The following LATS2 variants were observed in gnomAD, a reference collection of about 807,000 sequenced individuals.
LATS2 encodes serine/threonine-protein kinase LATS2.
In LATS2, 24 loss-of-function variants were observed where a neutral mutation model predicts 76.0. The observed-to-expected ratio is 0.32, with a 90% CI of 0.23 to 0.44. The LOEUF is 0.44. Among genes scored for constraint, LATS2 ranks in the 20% least tolerant of loss-of-function variants. The pLI is 1.00. For synonymous variants in LATS2, 692 were observed against 635.4 expected (o/e 1.09, Z -1.34); for missense variants, 1,286 against 1,481.2 (o/e 0.87, Z 2.16).
In LATS2 at chr13:20,991,312, C is replaced by T. The variant is rs1870497542; in HGVS notation, c.435G>A (p.Arg145=). The change falls in exon 3 of 8, where the codon AGG becomes AGA. Residue 145 remains arginine, a synonymous_variant. Transcript: ENST00000382592. The surrounding 1 kb of genome is among the most constrained non-coding windows in gnomAD (Gnocchi z 4.9). The stretch of plus-strand genomic sequence containing the variant: ...TAATGACCCGCACAATCTGCTCATT[C>T]CTCGGGTCCAGGTAGCCCATCTTGC... ...YISKMGYLDP[R]NEQIVRVIKQ... is the part of the protein sequence containing the mutation. The T allele has an allele frequency of 6.2e-7, 1 of 1,614,108 alleles. No individual in the cohort carries two copies. The highest frequency in any genetic ancestry group is 1.3e-5 in the African/African-American group (1 of 74,950).
intron 2 of LATS2, among the ~76,000 whole-genome samples, chr13:21,025,676 C>T (rs1035774529): frequency 6.6e-6 from 1 of 152,188 alleles, no homozygotes; most frequent in Non-Finnish European, 1.5e-5. Context: ...TCAGATCTTG[C>T]CTGACACTGC....
rs1286808880 is a variant in LATS2, at chr13:20,981,485, G to A, written c.2646C>T (p.Pro882=). ...SLVGTPNYIA[P]EVLLRKGYTQ... is the part of the protein sequence containing the mutation. ...ATGTACCTTTGCGGAGGAGCACCTC[G>A]GGTGCGATGTAGTTTGGAGTCCCCA... Residue 882 remains proline (P), a synonymous_variant, in exon 6 of 8, where the codon CCC becomes CCT. Coordinates refer to ENST00000382592, the MANE Select transcript of LATS2 (RefSeq NM_014572.3). 9.3e-6 allele frequency: 15 copies of A among 1,613,682 alleles called. No homozygotes were observed. The highest frequency in any genetic ancestry group is 3.3e-4 in the Middle Eastern group (2 of 6,072).
chr13:20,983,631 G>A lies in LATS2; in HGVS notation c.2075C>T (p.Ala692Val), dbSNP rs1870005593. ...VCLACKVDTH[A>V]LYAMKTLRKK... is the part of the protein sequence containing the mutation. Reference sequence around the variant, plus strand: ...CCTTAGGGTCTTCATGGCGTACAGGGCGTGAGTGTCCACCTTACAAGCAAG... The same window carrying A: ...CCTTAGGGTCTTCATGGCGTACAGGACGTGAGTGTCCACCTTACAAGCAAG... The change falls in exon 5 of 8, where the codon GCC becomes GTC. Residue 692 changes from alanine to valine, a missense_variant. Ala to Val is a moderately conservative substitution (Grantham distance 64). Coordinates refer to ENST00000382592, the MANE Select transcript of LATS2 (RefSeq NM_014572.3). 1 of 1,614,112 alleles carries A rather than the reference G, an allele frequency of 6.2e-7. No homozygotes were observed. Among genetic ancestry groups the A allele is most frequent in the Non-Finnish European group, 8.5e-7 (1 of 1,180,032 alleles).
Position 20,981,656 on chromosome 13 carries a change from C to G in LATS2, c.2483-8G>C, listed in dbSNP as rs759286630. On this transcript the variant is annotated splice_region_variant and splice_polypyrimidine_tract_variant and intron_variant, in intron 5 of 7. Transcript: ENST00000382592. Reference sequence around the variant, plus strand: ...CCTGTCTGACATGGCTCCCTTCACCCAGGAATCAGGGATAGTGAAAGAAAA... The same window carrying G: ...CCTGTCTGACATGGCTCCCTTCACCGAGGAATCAGGGATAGTGAAAGAAAA... The G allele has an allele frequency of 5.6e-5, 89 of 1,587,628 alleles. No homozygotes were observed. Among genetic ancestry groups the G allele is most frequent in the Non-Finnish European group, 7.4e-5 (87 of 1,168,766 alleles).
intron 2 of LATS2, among the ~76,000 whole-genome samples, chr13:21,039,275 C>T (rs1000714433): frequency 9.2e-5 from 14 of 152,104 alleles, no homozygotes; most frequent in African/African-American, 2.4e-4. Flanking sequence ...TATTTCAGCA[C>T]GCGTGTTCAG....
At chr13:20,975,577 A>G (rs946111623) in intron 7 of LATS2, among the ~76,000 whole-genome samples, 1 of 152,258 alleles carries the variant, frequency 6.6e-6, no homozygotes, top group African/African-American at 2.4e-5. Context: ...ATGACCAGTC[A>G]AATACAGACA....
At chr13:21,014,516 T>C (rs1331919621) in intron 2 of LATS2, among the ~76,000 whole-genome samples, 1 of 151,986 alleles carries the variant, frequency 6.6e-6, no homozygotes, top group Non-Finnish European at 1.5e-5. Context: ...ATATGCTAGA[T>C]AATATTTTTT....
At chr13:21,059,354 T>G (rs1873550566) in intron 1 of LATS2, among the ~76,000 whole-genome samples, 1 of 148,180 alleles carries the variant, frequency 6.7e-6, no homozygotes, top group Non-Finnish European at 1.5e-5. Flanking sequence ...TCCCAGCAGT[T>G]TGGGAGGCTG....
intron 2 of LATS2, among the ~76,000 whole-genome samples, chr13:21,014,827 A>G (rs181692481): frequency 3.3e-5 from 5 of 152,384 alleles, no homozygotes; most frequent in Admixed American, 2.0e-4. Flanking sequence ...TCCTTTCTCA[A>G]AACTCACAAA....
At chr13:21,017,962 C>T (rs1014606680) in intron 2 of LATS2, 2 of 152,118 alleles carry the variant, frequency 1.3e-5, no homozygotes, top group Non-Finnish European at 2.9e-5. Context: ...TGAGACTATC[C>T]CTTCAATTAG....
At chr13:21,007,621 A>AGT (rs1871354211) in intron 2 of LATS2, among the ~76,000 whole-genome samples, 41 of 604 alleles carry the variant, frequency 0.068, 5 homozygotes, top group East Asian at 0.5. Flanking sequence ...ATATATATAT[A>AGT]GTGTATATAT....
rs61749292 is a variant in LATS2, at chr13:20,988,178, G to C, written c.1602C>G (p.Asp534Glu). Residue 534 changes from aspartate to glutamate, a missense_variant, in exon 4 of 8, where the codon GAC (aspartate) becomes GAG (glutamate). Transcript: ENST00000382592. ...LRSKSEQYDLDSLCAGMEQSL... is the reference protein window; with the variant it reads ...LRSKSEQYDLESLCAGMEQSL... ...TCTGCTCCATGCCTGCGCACAGGCT[G>C]TCCAGGTCGTACTGCTCCGACTTGC... 6.2e-7 allele frequency: 1 copy of C among 1,613,644 alleles called. No homozygotes were observed. The highest frequency in any genetic ancestry group is 8.5e-7 in the Non-Finnish European group (1 of 1,179,950).
chr13:20,999,069 G>C (rs1488453115), intron 2 of LATS2, among the ~76,000 whole-genome samples: 1 of 152,378 alleles, frequency 6.6e-6, no homozygotes, highest in African/African-American at 2.4e-5. Flanking sequence ...CGCGAGGCAG[G>C]GGCCCCGGTG....
In LATS2 at chr13:21,034,347, C is replaced by T. The variant is rs549206866; in HGVS notation, c.342+11338G>A. 3.3e-5 allele frequency among the ~76,000 whole-genome samples: 5 copies of T among 152,254 alleles called. No individual in the cohort carries two copies. The East Asian group carries it at 9.7e-4, about 29-fold the overall frequency. The stretch of plus-strand genomic sequence containing the variant: ...ACAGTGCCCAGTTGCATTGGGGTGG[C>T]CACGTGCCCAGGTGAAGTACACATT... On this transcript the variant is annotated intron_variant, in intron 2 of 7. Coordinates refer to ENST00000382592, the MANE Select transcript of LATS2 (RefSeq NM_014572.3).
Position 20,974,848 on chromosome 13 carries a change from G to A in LATS2, c.*22C>T, listed in dbSNP as rs1869520013. On this transcript the variant is annotated 3_prime_UTR_variant, in exon 8 of 8. Transcript: ENST00000382592. Reference sequence around the variant, plus strand: ...GACCCTGACCTGGGAGGCAGCGAGTGGTGGGGGTGCCTGGCCCCCATCTAC... The same window carrying A: ...GACCCTGACCTGGGAGGCAGCGAGTAGTGGGGGTGCCTGGCCCCCATCTAC... The A allele has an allele frequency of 1.9e-6, 3 of 1,584,272 alleles. No homozygotes were observed. Among genetic ancestry groups the A allele is most frequent in the Middle Eastern group, 4.1e-4 (2 of 4,864 alleles).
intron 1 of LATS2, among the ~76,000 whole-genome samples, chr13:21,050,125 C>CAGACAGACAGACAGATAGATAGAT (rs71306170): frequency 7.2e-5 from 5 of 69,802 alleles, no homozygotes; most frequent in Non-Finnish European, 9.7e-5. Context: ...GTCTCATAGA[C>CAGACAGACAGACAGATAGATAGAT]AGATAGATAG....
chr13:20,985,334 T>C (rs1378439435), intron 4 of LATS2, among the ~76,000 whole-genome samples: 1 of 152,220 alleles, frequency 6.6e-6, no homozygotes, highest in Non-Finnish European at 1.5e-5. Flanking sequence ...GATACCTGTG[T>C]TGAACAGGAG....
chr13:21,032,693 A>C (rs1437969589), intron 2 of LATS2, among the ~76,000 whole-genome samples: 2 of 152,206 alleles, frequency 1.3e-5, no homozygotes, highest in Non-Finnish European at 2.9e-5. Flanking sequence ...ATAATCCCTA[A>C]GACCCTGAGA....
chr13:20,991,603 G>C lies in LATS2; in HGVS notation c.343-199C>G, dbSNP rs1870513649. 6.6e-6 allele frequency among the ~76,000 whole-genome samples: 1 copy of C among 152,184 alleles called. No individual in the cohort carries two copies. The highest frequency in any genetic ancestry group is 2.4e-5 in the African/African-American group (1 of 41,432). ...GCAGGTACCTGATGGCAAAAGCCTA[G>C]CACAAGCCACACCATAGACTATTTA... On this transcript the variant is annotated intron_variant, in intron 2 of 7. Transcript: ENST00000382592. This position sits in a 1 kb window ranked among gnomAD's most constrained non-coding sequence, Gnocchi z 4.9.
Sources: allele counts gnomAD v4.1 joint callset (sites outside exome capture counted in the v4.1 genomes callset), GRCh38; gene constraint gnomAD v4.1.1; non-coding constraint Gnocchi (gnomAD v3.1); transcripts MANE v1.5; gene names NCBI Gene and HGNC (gene_info 2026-07-23, HGNC 2026-07-21).